The following CADM1 variants were observed in gnomAD, a reference collection of about 807,000 sequenced individuals.
CADM1 encodes TSLC-1.
Under a neutral mutation model 53.1 loss-of-function variants are expected in CADM1, and 15 were observed. That is an observed-to-expected ratio of 0.28 (90% CI 0.19 to 0.44). The LOEUF is 0.44. Among genes scored for constraint, CADM1 ranks in the 20% least tolerant of loss-of-function variants. The pLI, the probability that CADM1 is intolerant of heterozygous loss-of-function variation, is 1.00. For missense variants in CADM1, 434 were observed against 611.3 expected (o/e 0.71, Z 3.06); for synonymous variants, 281 against 243.0 (o/e 1.16, Z -1.45).
At chr11:115,471,782 A>G (rs1174955679) in intron 1 of CADM1, among the ~76,000 whole-genome samples, 2 of 152,210 alleles carry the variant, frequency 1.3e-5, no homozygotes, top group Non-Finnish European at 2.9e-5. Flanking sequence ...GATGGCAGTG[A>G]GCTATACTTT....
At chr11:115,434,640 G>A (rs994654347) in intron 1 of CADM1, among the ~76,000 whole-genome samples, 15 of 152,040 alleles carry the variant, frequency 9.9e-5, no homozygotes, top group South Asian at 2.1e-4. Context: ...TTACCCCAGC[G>A]TCAGGGTGTA....
At chr11:115,302,743 T>A (rs1169995381) in intron 1 of CADM1, among the ~76,000 whole-genome samples, 1 of 152,054 alleles carries the variant, frequency 6.6e-6, no homozygotes, top group Non-Finnish European at 1.5e-5. Flanking sequence ...AGGAGGCAAC[T>A]GGTTGGCCCA....
rs142617132 is a variant in CADM1, at chr11:115,489,731, A to G, written c.124+14540T>C. 4.4e-3 allele frequency among the ~76,000 whole-genome samples: 672 copies of G among 152,356 alleles called. 7 individuals carry two copies. The highest frequency in any genetic ancestry group is 0.01 in the Middle Eastern group (3 of 294). ...AGTCTGTTTGATAGGAAGGAGGAAG[A>G]TAAGTTAGGAGTAGCCCTTAGGGAA... On this transcript the variant is annotated intron_variant, in intron 1 of 11. Coordinates refer to ENST00000331581, the MANE Select transcript of CADM1 (RefSeq NM_001301043.2).
At chr11:115,326,137 G>T (rs1944953074) in intron 1 of CADM1, among the ~76,000 whole-genome samples, 1 of 152,068 alleles carries the variant, frequency 6.6e-6, no homozygotes, top group African/African-American at 2.4e-5. Context: ...ACAGGAAGCA[G>T]GTATTCTATG....
intron 1 of CADM1, among the ~76,000 whole-genome samples, chr11:115,431,905 A>C (rs1268255165): frequency 1.3e-5 from 2 of 151,204 alleles, no homozygotes; most frequent in Non-Finnish European, 2.9e-5. Context: ...TTGGTTAATA[A>C]ATATTATACC....
intron 8 of CADM1, chr11:115,207,163 G>A (rs1940738833): frequency 6.6e-6 from 1 of 152,112 alleles, no homozygotes; most frequent in Admixed American, 6.5e-5. Context: ...TGTGTTAGTA[G>A]CAATTTTAGT....
intron 4 of CADM1, among the ~76,000 whole-genome samples, chr11:115,230,414 A>C (rs1325960529): frequency 2.0e-5 from 3 of 152,236 alleles, no homozygotes; most frequent in African/African-American, 7.2e-5. Context: ...ATTTTAGAGG[A>C]AACTGAAGCA....
intron 1 of CADM1, among the ~76,000 whole-genome samples, chr11:115,367,180 T>C (rs1045499751): frequency 3.9e-5 from 6 of 152,206 alleles, no homozygotes; most frequent in Admixed American, 3.9e-4. Context: ...CGCCTGTGAA[T>C]AGCCACCGCA....
intron 1 of CADM1, among the ~76,000 whole-genome samples, chr11:115,471,564 T>C (rs1181284006): frequency 6.6e-6 from 1 of 152,166 alleles, no homozygotes; most frequent in Non-Finnish European, 1.5e-5. Flanking sequence ...TCTCAAACAT[T>C]AGCTGGTGTC....
In CADM1 at chr11:115,201,643, A is replaced by G. The variant is rs796078221; in HGVS notation, c.1079-3205T>C. Among the ~76,000 whole-genome samples, 34 of 152,318 alleles carry G rather than the reference A, an allele frequency of 2.2e-4. 1 individual carries two copies. Among genetic ancestry groups the G allele is most frequent in the African/African-American group, 7.9e-4 (33 of 41,568 alleles). On this transcript the variant is annotated intron_variant, in intron 8 of 11. Coordinates refer to ENST00000331581, the MANE Select transcript of CADM1 (RefSeq NM_001301043.2). ...AATGTAAGTGATAAATGCTATAATC[A>G]GCTTGAAAAATGAAAATGTCTAATT...
chr11:115,408,384 T>C (rs1164705033), intron 1 of CADM1, among the ~76,000 whole-genome samples: 1 of 152,172 alleles, frequency 6.6e-6, no homozygotes, highest in Non-Finnish European at 1.5e-5. Flanking sequence ...TCAGTTTAAA[T>C]CCCTGCACAG....
At chr11:115,176,871 T>C (rs1030220709) in intron 11 of CADM1, among the ~76,000 whole-genome samples, 2 of 151,926 alleles carry the variant, frequency 1.3e-5, no homozygotes, top group African/African-American at 4.8e-5. Context: ...AAGACGTGAG[T>C]GGGAGCTAAA....
chr11:115,174,055 TTTGTTTTA>T lies in CADM1; in HGVS notation c.*2411_*2418del. ...AAAATCCATAATTTCCTGTTTTTGC[TTTGTTTTA>T]TTATTATTTTTTCCAATGTGTGGGG... On this transcript the variant is annotated 3_prime_UTR_variant, in exon 12 of 12. Transcript: ENST00000331581. 2 of 976,348 alleles carry T rather than the reference TTTGTTTTA, an allele frequency of 2.0e-6. No individual in the cohort carries two copies. The highest frequency in any genetic ancestry group is 2.4e-6 in the Non-Finnish European group (2 of 825,110). 60.5% of individuals were successfully genotyped at this position (976,348 alleles called of 1,614,324 possible).
intron 1 of CADM1, among the ~76,000 whole-genome samples, chr11:115,478,734 T>A (rs1387200424): frequency 5.3e-5 from 8 of 152,156 alleles, no homozygotes; most frequent in Non-Finnish European, 1.2e-4. Context: ...ATATGCCAAT[T>A]AGATAGTATG....
intron 1 of CADM1, among the ~76,000 whole-genome samples, chr11:115,461,056 T>C (rs1432557016): frequency 1.3e-5 from 2 of 152,212 alleles, no homozygotes; most frequent in East Asian, 3.9e-4. Context: ...CATTCATTCA[T>C]TCAATACAGA....
chr11:115,208,628 C>A lies in CADM1; in HGVS notation c.1078+946G>T, dbSNP rs142152208. 2.4e-3 allele frequency among the ~76,000 whole-genome samples: 359 copies of A among 152,298 alleles called. 2 individuals carry two copies. Among genetic ancestry groups the A allele is most frequent in the Middle Eastern group, 0.017 (5 of 294 alleles). On this transcript the variant is annotated intron_variant, in intron 8 of 11. Coordinates refer to ENST00000331581, the MANE Select transcript of CADM1 (RefSeq NM_001301043.2). ...AAATGCAGCGGAAAAGTTACTCTTT[C>A]AAGAGATATTTTTTTCTCACAGAAT...
At chr11:115,387,057 G>A (rs989526131) in intron 1 of CADM1, among the ~76,000 whole-genome samples, 4 of 152,304 alleles carry the variant, frequency 2.6e-5, no homozygotes, top group Non-Finnish European at 4.4e-5. Context: ...AGCCTCTGTC[G>A]TGAAGTGCCT....
intron 8 of CADM1, among the ~76,000 whole-genome samples, chr11:115,204,669 T>G (rs2134708756): frequency 6.6e-6 from 1 of 152,342 alleles, no homozygotes; most frequent in East Asian, 1.9e-4. Context: ...GGTGTGCTTC[T>G]TTGCTTTGTA....
chr11:115,315,462 T>G (rs1944639451), intron 1 of CADM1, among the ~76,000 whole-genome samples: 1 of 152,104 alleles, frequency 6.6e-6, no homozygotes, highest in African/African-American at 2.4e-5. Flanking sequence ...CCCAGAAAAC[T>G]GCATGAGAAC....
Sources: gnomAD v4.1 joint callset for allele counts (sites outside exome capture counted in the v4.1 genomes callset) on GRCh38, gnomAD v4.1.1 for gene constraint, MANE v1.5 for transcripts, NCBI Gene and HGNC (gene_info 2026-07-23, HGNC 2026-07-21) for gene names.